LRP6: variants seen among roughly 807,000 people sequenced by gnomAD.
LRP6 encodes LDL receptor related protein 6, also known as low-density lipoprotein receptor-related protein 6.
Under a neutral mutation model 184.1 loss-of-function variants are expected in LRP6, and 43 were observed. The ratio of observed to expected loss-of-function variants is 0.23; its 90% CI spans 0.18 to 0.30. The LOEUF is 0.30. Ranked by LOEUF, LRP6 falls within the 10% of genes least tolerant of loss-of-function variation. LRP6 has a pLI of 1.00. For synonymous variants in LRP6, 719 were observed against 684.9 expected (o/e 1.05, Z -0.78); for missense variants, 1,571 against 2,005.3 (o/e 0.78, Z 4.14).
chr12:12,180,043 T>C (rs1863304132), intron 6 of LRP6, 62 bp from the exon 7 acceptor site: 6 of 1,390,640 alleles, frequency 4.3e-6, no homozygotes, highest in Non-Finnish European at 5.1e-6. Flanking sequence ...TCAGATATTC[T>C]AAAGGTGAGA....
At chr12:12,144,913 G>C (rs935663862) in intron 15 of LRP6, among the ~76,000 whole-genome samples, 13 of 151,504 alleles carry the variant, frequency 8.6e-5, no homozygotes, top group Non-Finnish European at 1.6e-4. Context: ...GGGCCTGTCG[G>C]GGGGTGGGGG....
intron 3 of LRP6, among the ~76,000 whole-genome samples, chr12:12,198,118 C>A (rs561413299): frequency 6.6e-6 from 1 of 152,204 alleles, no homozygotes; most frequent in African/African-American, 2.4e-5. Flanking sequence ...AGGGTTTCAC[C>A]ATGTTGGCCA....
At chr12:12,154,826 C>T (rs1950129064) in intron 12 of LRP6, among the ~76,000 whole-genome samples, 1 of 152,152 alleles carries the variant, frequency 6.6e-6, no homozygotes, top group Admixed American at 6.5e-5. Flanking sequence ...TTAGGACCTC[C>T]AATATATTAC....
At chr12:12,240,870 T>A (rs1366981485) in intron 2 of LRP6, among the ~76,000 whole-genome samples, 10 of 152,190 alleles carry the variant, frequency 6.6e-5, no homozygotes, top group Non-Finnish European at 4.4e-5. Flanking sequence ...CTACTCACTG[T>A]AACATAAGAC....
chr12:12,219,386 A>G (rs539230777), intron 2 of LRP6, among the ~76,000 whole-genome samples: 1 of 151,978 alleles, frequency 6.6e-6, no homozygotes, highest in Non-Finnish European at 1.5e-5. Context: ...TTGTATTTTT[A>G]GTAGAGATGA....
chr12:12,146,491 G>A (rs1186169853), intron 15 of LRP6, among the ~76,000 whole-genome samples: 1 of 152,198 alleles, frequency 6.6e-6, no homozygotes, highest in Non-Finnish European at 1.5e-5. Flanking sequence ...GACAGAGGAG[G>A]TAATTATAAT....
chr12:12,132,825 ATGGGAAAGCATTTGTTT>A (rs1949776820), intron 17 of LRP6, among the ~76,000 whole-genome samples: 1 of 152,210 alleles, frequency 6.6e-6, no homozygotes, highest in Non-Finnish European at 1.5e-5. Flanking sequence ...GTAGTTTCTA[ATGGGAAAGCATTTGTTT>A]TGAGTTGTAA....
intron 6 of LRP6, among the ~76,000 whole-genome samples, chr12:12,180,240 CTT>C (rs35341305): frequency 4.2e-4 from 53 of 126,100 alleles, no homozygotes; most frequent in South Asian, 7.5e-4. Context: ...AGTTTTACTT[CTT>C]TTTTTTTTTT....
rs1399560921 is a variant in LRP6, at chr12:12,266,721, C to T, written c.15G>A (p.Leu5=). The T allele has an allele frequency of 6.2e-7, 1 of 1,613,722 alleles. No individual in the cohort carries two copies. Among genetic ancestry groups the T allele is most frequent in the South Asian group, 1.1e-5 (1 of 90,928 alleles). ...AGAAGCTGCAGGCCAGGAGGCTCCTCAGGACGGCCCCCATCTTCCCTTCTC... is the reference window on the plus strand; with the variant it reads ...AGAAGCTGCAGGCCAGGAGGCTCCTTAGGACGGCCCCCATCTTCCCTTCTC... The part of the protein sequence containing the change: MGAV[L]RSLLACSFCV... Residue 5 remains leucine, a synonymous_variant, in exon 1 of 23, where the codon CTG becomes CTA. Coordinates refer to ENST00000261349, the MANE Select transcript of LRP6 (RefSeq NM_002336.3).
rs759205427 is a variant in LRP6 at position 12,179,807 on chromosome 12, A to C, written c.1545+3T>G. On this transcript the variant is annotated splice_donor_region_variant and intron_variant, in intron 7 of 22. Transcript: ENST00000261349. ...CTTGAAAATGAAAAAGCAAAAAACA[A>C]ACCTCAATCTTGTCTGTTTTGGCAT... is the stretch of plus-strand genomic sequence containing the variant. 1.2e-6 allele frequency: 2 copies of C among 1,613,510 alleles called. No homozygotes were observed. Among genetic ancestry groups the C allele is most frequent in the Non-Finnish European group, 1.7e-6 (2 of 1,179,736 alleles).
At chr12:12,198,058 A>G (rs577903822) in intron 3 of LRP6, among the ~76,000 whole-genome samples, 2 of 152,320 alleles carry the variant, frequency 1.3e-5, no homozygotes, top group East Asian at 3.9e-4. Context: ...AGCTGGGATT[A>G]CAAGCGCCCA....
chr12:12,170,424 T>C (rs1863001627), intron 7 of LRP6, among the ~76,000 whole-genome samples: 1 of 151,790 alleles, frequency 6.6e-6, no homozygotes, highest in African/African-American at 2.4e-5. Context: ...GTAATCAATA[T>C]TAAAATTTTA....
At chr12:12,236,554 C>T (rs1178148263) in intron 2 of LRP6, among the ~76,000 whole-genome samples, 1 of 152,038 alleles carries the variant, frequency 6.6e-6, no homozygotes, top group African/African-American at 2.4e-5. Flanking sequence ...TCAATTCTGA[C>T]ACTATCTATG....
intron 2 of LRP6, among the ~76,000 whole-genome samples, chr12:12,222,336 C>A (rs1019531948): frequency 4.0e-5 from 6 of 151,866 alleles, no homozygotes; most frequent in Non-Finnish European, 8.8e-5. Flanking sequence ...GAGGTCGAGG[C>A]GGGCGGATCA....
At chr12:12,149,962 T>C (rs1415354085) in intron 13 of LRP6, among the ~76,000 whole-genome samples, 1 of 152,158 alleles carries the variant, frequency 6.6e-6, no homozygotes, top group Admixed American at 6.5e-5. Context: ...TACACAGCTA[T>C]TACTATACCC....
At chr12:12,188,521 G>C (rs922528733) in intron 3 of LRP6, among the ~76,000 whole-genome samples, 1 of 152,148 alleles carries the variant, frequency 6.6e-6, no homozygotes, top group Non-Finnish European at 1.5e-5. Context: ...CAGACTACCA[G>C]CATATTAAAT....
rs1862844680 is a variant in LRP6 at position 12,165,080 on chromosome 12, A to G, written c.1761T>C (p.Ile587=). ...GLKATNVHRV[I]GSNPCAEENG... ...TAAGAAAGCTTTGGAGTTACTCACC[A>G]ATCACTCGATGAACATTTGTAGCCT... The change falls in exon 8 of 23, where the codon ATT becomes ATC. Residue 587 remains isoleucine (I), a splice_region_variant and synonymous_variant. Coordinates refer to ENST00000261349, the MANE Select transcript of LRP6 (RefSeq NM_002336.3). 8 of 1,611,002 alleles carry G rather than the reference A, an allele frequency of 5.0e-6. No individual in the cohort carries two copies. Among genetic ancestry groups the G allele is most frequent in the Non-Finnish European group, 6.8e-6 (8 of 1,177,208 alleles).
intron 1 of LRP6, among the ~76,000 whole-genome samples, chr12:12,265,165 T>C (rs1041689483): frequency 1.3e-5 from 2 of 152,202 alleles, no homozygotes; most frequent in African/African-American, 2.4e-5. Context: ...TATAGTTGTT[T>C]CTAACAGCTA....
intron 2 of LRP6, among the ~76,000 whole-genome samples, chr12:12,224,933 G>A (rs150800767): frequency 0.011 from 1,714 of 152,268 alleles, 33 homozygotes; most frequent in African/African-American, 0.038. Flanking sequence ...GGCCAGGGGC[G>A]GTGGCTCACA....
Sources: gnomAD v4.1 joint callset for allele counts (sites outside exome capture counted in the v4.1 genomes callset) on GRCh38, gnomAD v4.1.1 for gene constraint, MANE v1.5 for transcripts, NCBI Gene and HGNC (gene_info 2026-07-23, HGNC 2026-07-21) for gene names.